GNG4: variants seen among roughly 807,000 people sequenced by gnomAD.
GNG4 encodes guanine nucleotide-binding protein G(I)/G(S)/G(O) subunit gamma-4.
In GNG4, 4 loss-of-function variants were observed where a neutral mutation model predicts 5.8. That is an observed-to-expected ratio of 0.69 (90% CI 0.34 to 1.57). The LOEUF (loss-of-function observed/expected upper bound fraction) is 1.57, where lower values mean the gene tolerates loss of function less well. GNG4 is among the 40% of genes most tolerant of loss of function. The pLI, the probability that GNG4 is intolerant of heterozygous loss-of-function variation, is 0.06. For missense variants in GNG4, 96 were observed against 95.1 expected, an observed-to-expected ratio of 1.01 and a Z score of -0.04; for synonymous variants, 29 against 32.9, an observed-to-expected ratio of 0.88 and a Z score of 0.41.
chr1:235,583,673 T>C (rs1687696527), intron 3 of GNG4, 67 bp downstream of exon 3: 3 of 1,023,070 alleles, frequency 2.9e-6, no homozygotes, highest in Non-Finnish European at 1.5e-6. Context: ...AAGTCTGCTT[T>C]GGAAGCAGGA....
chr1:235,562,403 T>G (rs1227582927), intron 3 of GNG4, among the ~76,000 whole-genome samples: 1 of 152,076 alleles, frequency 6.6e-6, no homozygotes, highest in Non-Finnish European at 1.5e-5. Flanking sequence ...TCCCAGCACT[T>G]TGGGAGGTCG....
At chr1:235,582,196 T>G (rs1687654261) in intron 3 of GNG4, among the ~76,000 whole-genome samples, 1 of 152,212 alleles carries the variant, frequency 6.6e-6, no homozygotes, top group African/African-American at 2.4e-5. Flanking sequence ...GAGCTTCAAC[T>G]ACCTCCTCAC....
intron 3 of GNG4, among the ~76,000 whole-genome samples, chr1:235,563,076 C>T (rs767147247): frequency 6.6e-6 from 1 of 152,042 alleles, no homozygotes; most frequent in Non-Finnish European, 1.5e-5. Flanking sequence ...CTTTTACATT[C>T]TCTTTTGTTT....
intron 3 of GNG4, among the ~76,000 whole-genome samples, chr1:235,577,093 T>C (rs1687501401): frequency 6.6e-6 from 1 of 152,202 alleles, no homozygotes; most frequent in Non-Finnish European, 1.5e-5. Flanking sequence ...ATGCCTTCTT[T>C]TCCTTCCTTC....
At chr1:235,596,205 AAAATAC>A (rs1688118922) in intron 1 of GNG4, among the ~76,000 whole-genome samples, 1 of 105,328 alleles carries the variant, frequency 9.5e-6, no homozygotes, top group African/African-American at 4.2e-5. Context: ...ACAAACAAAC[AAAATAC>A]ACACACACAC....
intron 1 of GNG4, among the ~76,000 whole-genome samples, chr1:235,631,516 C>T (rs1271034894): frequency 6.6e-6 from 1 of 152,038 alleles, no homozygotes; most frequent in Non-Finnish European, 1.5e-5. Context: ...CCTAAAGTGG[C>T]TTCTGCATTA....
rs1243944018 is a variant in GNG4 at position 235,597,602 on chromosome 1, G to C, written c.-122-2091C>G. 1.1e-3 allele frequency among the ~76,000 whole-genome samples: 108 copies of C among 94,164 alleles called. 4 individuals are homozygous for C. Among genetic ancestry groups the C allele is most frequent in the African/African-American group, 3.9e-4 (9 of 23,342 alleles). 61.8% of individuals were successfully genotyped at this position (94,164 alleles called of 152,430 possible). A position where few individuals can be genotyped will look rare whatever the true frequency, so the allele number is the denominator to read the frequency against. ...TAACTTGTTTGCTGTGTGTGTGTGT[G>C]TGTGTGTGTGTGTGTGTGTGTGTGT... On this transcript the variant is annotated intron_variant, in intron 1 of 3. Transcript: ENST00000391854.
At chr1:235,603,777 T>C (rs1403799752) in intron 1 of GNG4, among the ~76,000 whole-genome samples, 2 of 152,314 alleles carry the variant, frequency 1.3e-5, no homozygotes, top group South Asian at 4.1e-4. Context: ...CCACAGTTTC[T>C]TAGGAAGAGC....
At chr1:235,573,219 T>A (rs1341522587) in intron 3 of GNG4, among the ~76,000 whole-genome samples, 6 of 150,276 alleles carry the variant, frequency 4.0e-5, no homozygotes, top group Non-Finnish European at 8.8e-5. Context: ...GAGCAAACTA[T>A]CGCAAGGACA....
chr1:235,558,055 T>C (rs1033543256), intron 3 of GNG4, among the ~76,000 whole-genome samples: 1 of 152,194 alleles, frequency 6.6e-6, no homozygotes, highest in African/African-American at 2.4e-5. Flanking sequence ...ACAGTTGCGT[T>C]TGCTGAGTTA....
At chr1:235,599,369 T>G (rs746839813) in intron 1 of GNG4, among the ~76,000 whole-genome samples, 72 of 150,700 alleles carry the variant, frequency 4.8e-4, no homozygotes, top group Non-Finnish European at 8.7e-4. Context: ...TAGGCTGGAG[T>G]GCAGTGACGC....
At chr1:235,634,144 C>T (rs1299614241) in intron 1 of GNG4, among the ~76,000 whole-genome samples, 1 of 152,188 alleles carries the variant, frequency 6.6e-6, no homozygotes, top group Non-Finnish European at 1.5e-5. Flanking sequence ...TTACCCTCCA[C>T]CCCTGCACCA....
At chr1:235,556,043 T>C (rs545206271) in intron 3 of GNG4, among the ~76,000 whole-genome samples, 1 of 151,840 alleles carries the variant, frequency 6.6e-6, no homozygotes, top group Admixed American at 6.6e-5. Context: ...ATTTTTAAAT[T>C]TTTGGTAGAG....
In GNG4 at chr1:235,642,746, G is replaced by A. The variant is rs1338192983; in HGVS notation, c.-123+6916C>T. ...CTTGCCGTGTGTTCTTGGAGGCGCG[G>A]GCCTCCCTGCTGTCATCACACCTCG... On this transcript the variant is annotated intron_variant, in intron 1 of 3. Transcript: ENST00000391854. This position sits in a 1 kb window ranked among gnomAD's most constrained non-coding sequence, Gnocchi z 4.3. Among the ~76,000 whole-genome samples, 1 of 152,082 alleles carries A rather than the reference G, an allele frequency of 6.6e-6. No individual in the cohort carries two copies. Among genetic ancestry groups the A allele is most frequent in the Non-Finnish European group, 1.5e-5 (1 of 68,008 alleles).
chr1:235,593,680 C>G (rs1441934194), intron 2 of GNG4, among the ~76,000 whole-genome samples: 1 of 152,114 alleles, frequency 6.6e-6, no homozygotes, highest in East Asian at 1.9e-4. Flanking sequence ...CTGGTGGGTT[C>G]ATGGTCTCGC....
chr1:235,645,614 G>A (rs1031817273), intron 1 of GNG4, among the ~76,000 whole-genome samples: 2 of 151,940 alleles, frequency 1.3e-5, no homozygotes, highest in South Asian at 2.1e-4. Flanking sequence ...CCTGACCAAC[G>A]TGGAGAAACC....
chr1:235,618,601 G>A (rs965783802), intron 1 of GNG4, among the ~76,000 whole-genome samples: 1 of 151,900 alleles, frequency 6.6e-6, no homozygotes, highest in African/African-American at 2.4e-5. Context: ...AAACTGATTC[G>A]TGTGCATGAT....
In GNG4 at chr1:235,648,264, T is replaced by A. The variant is rs1657561201; in HGVS notation, c.-123+1398A>T. Reference sequence around the variant, plus strand: ...CTAACCCCATGGTGAGGCTGCTCATTAACAGGCAAGGCATCACTGTAAACC... The same window carrying A: ...CTAACCCCATGGTGAGGCTGCTCATAAACAGGCAAGGCATCACTGTAAACC... On this transcript the variant is annotated intron_variant, in intron 1 of 3. Transcript: ENST00000391854. The surrounding 1 kb of genome is among the most constrained non-coding windows in gnomAD (Gnocchi z 5.0). 6.6e-6 allele frequency among the ~76,000 whole-genome samples: 1 copy of A among 152,198 alleles called. No homozygotes were observed. Among genetic ancestry groups the A allele is most frequent in the Non-Finnish European group, 1.5e-5 (1 of 68,036 alleles).
intron 3 of GNG4, among the ~76,000 whole-genome samples, chr1:235,576,798 G>GTGTGGGTTTAAGATCTTGC (rs1225530700): frequency 5.3e-5 from 8 of 152,180 alleles, no homozygotes; most frequent in Admixed American, 4.6e-4. Flanking sequence ...ACCACACTGT[G>GTGTGGGTTTAAGATCTTGC]TGTGGGTTTA....
Sources: allele counts gnomAD v4.1 joint callset (sites outside exome capture counted in the v4.1 genomes callset), GRCh38; gene constraint gnomAD v4.1.1; non-coding constraint Gnocchi (gnomAD v3.1); transcripts MANE v1.5; gene names NCBI Gene and HGNC (gene_info 2026-07-23, HGNC 2026-07-21).